P2RX3: variants seen among roughly 807,000 people sequenced by gnomAD.
P2RX3 encodes the protein P2X purinoceptor 3.
Under a neutral mutation model 51.5 loss-of-function variants are expected in P2RX3, and 41 were observed. The ratio of observed to expected loss-of-function variants is 0.80; its 90% CI spans 0.62 to 1.03. The LOEUF (loss-of-function observed/expected upper bound fraction) is 1.03, where lower values mean the gene tolerates loss of function less well. Among genes scored for constraint, P2RX3 ranks in the 50% least tolerant of loss-of-function variants. P2RX3 has a pLI of 0.00. For synonymous variants in P2RX3, 185 were observed against 191.6 expected, an observed-to-expected ratio of 0.97 and a Z score of 0.29; for missense variants, 459 against 522.1, an observed-to-expected ratio of 0.88 and a Z score of 1.18.
rs754914264 is a variant in P2RX3, at chr11:57,369,900, T to C, written c.1097T>C (p.Leu366Pro). The change falls in exon 12 of 12, where the codon CTG becomes CCG. Residue 366 changes from leucine (L) to proline (P), a missense_variant. Coordinates refer to ENST00000263314, the MANE Select transcript of P2RX3 (RefSeq NM_002559.5). ...CGCCTGCAGGTGAATGAGACTACGC[T>C]GAAAATCGCGGCTTTGACCAACCCA... ...KKFEEVNETT[L>P]KIAALTNPVY... 10 of 1,613,336 alleles carry C rather than the reference T, an allele frequency of 6.2e-6. No homozygotes were observed. The Admixed American group carries it at 6.7e-5, about 11-fold the overall frequency.
At chr11:57,345,643 C>T (rs1856416791) in intron 1 of P2RX3, among the ~76,000 whole-genome samples, 1 of 152,126 alleles carries the variant, frequency 6.6e-6, no homozygotes. Context: ...AATGGAAAGG[C>T]AGGCACTTTA....
chr11:57,353,286 CA>C (rs1412707215), intron 8 of P2RX3, among the ~76,000 whole-genome samples: 1 of 152,182 alleles, frequency 6.6e-6, no homozygotes, highest in African/African-American at 2.4e-5. Flanking sequence ...ACCCTGTGTG[CA>C]AAACGTTTTG....
chr11:57,346,668 A>C lies in P2RX3; in HGVS notation c.244A>C (p.Thr82Pro). The change falls in exon 2 of 12, where the codon ACG (threonine) becomes CCG (proline). Residue 82 changes from threonine to proline, a missense_variant. Thr to Pro is a conservative substitution (Grantham distance 38). Transcript: ENST00000263314. ...AGTCATGGATGTGTCTGATTACGTG[A>C]CGCCACCTCAGGTATGGTACCCCTA... The part of the protein sequence containing the change: ...NRVMDVSDYV[T>P]PPQGTSVFVI... 6.2e-7 allele frequency: 1 copy of C among 1,613,882 alleles called. No homozygotes were observed. The highest frequency in any genetic ancestry group is 8.5e-7 in the Non-Finnish European group (1 of 1,180,022).
chr11:57,348,224 TC>T lies in P2RX3; in HGVS notation c.448del (p.Gln150ArgfsTer16). 6.2e-7 allele frequency: 1 copy of T among 1,604,142 alleles called. No individual in the cohort carries two copies. Among genetic ancestry groups the T allele is most frequent in the South Asian group, 1.1e-5 (1 of 88,550 alleles). On this transcript the variant is annotated frameshift_variant, in exon 5 of 12. Coordinates refer to ENST00000263314, the MANE Select transcript of P2RX3 (RefSeq NM_002559.5). LOFTEE classifies it high-confidence loss of function. ...NYSSVLRTCE[I>X]QGWCPTEVDT... ...AGCTCTGTGCTCCGGACCTGTGAGA[TC>T]CAGGGCTGGTGCCCCACGGAGGTGG...
upstream of P2RX3, among the ~76,000 whole-genome samples, chr11:57,337,980 T>A (rs1013344639): frequency 2.0e-5 from 3 of 152,228 alleles, no homozygotes; most frequent in Non-Finnish European, 4.4e-5. Flanking sequence ...AAGAGACCTT[T>A]TCCCCCTGAC....
chr11:57,366,882 G>T (rs1218929293), intron 8 of P2RX3, among the ~76,000 whole-genome samples: 1 of 152,002 alleles, frequency 6.6e-6, no homozygotes, highest in African/African-American at 2.4e-5. Flanking sequence ...ATTAATCCAT[G>T]AATGGATTAA....
intron 1 of P2RX3, among the ~76,000 whole-genome samples, chr11:57,342,910 G>A (rs1056298698): frequency 4.6e-5 from 7 of 152,180 alleles, no homozygotes; most frequent in East Asian, 3.9e-4. Flanking sequence ...GTGCTGGGGC[G>A]CGGCTCTGGC....
chr11:57,351,321 T>C (rs1856544840), intron 8 of P2RX3, among the ~76,000 whole-genome samples: 1 of 152,204 alleles, frequency 6.6e-6, no homozygotes, highest in African/African-American at 2.4e-5. Flanking sequence ...ACTGGTATCA[T>C]TTTACATTTT....
intron 8 of P2RX3, among the ~76,000 whole-genome samples, chr11:57,351,206 A>G (rs1856542550): frequency 6.6e-6 from 1 of 152,220 alleles, no homozygotes; most frequent in African/African-American, 2.4e-5. Flanking sequence ...TGTTCCTAAC[A>G]CTGGCCTGAA....
At position 57,338,678 on chromosome 11, in the gene P2RX3, G is replaced by C. The variant is rs1466008870; in HGVS notation, c.119+9G>C. 6.4e-7 allele frequency: 1 copy of C among 1,562,684 alleles called. No homozygotes were observed. Among genetic ancestry groups the C allele is most frequent in the Admixed American group, 1.7e-5 (1 of 59,502 alleles). ...ATCTCCTACTTTGTAGGGTGAGTCT[G>C]TGGCCTTTCAGGTTCCTGGCGGGGT... On this transcript the variant is annotated intron_variant, in intron 1 of 11. Transcript: ENST00000263314.
At chr11:57,347,924 G>A (rs139417180) in intron 4 of P2RX3, among the ~76,000 whole-genome samples, 1 of 152,294 alleles carries the variant, frequency 6.6e-6, no homozygotes, top group Non-Finnish European at 1.5e-5. Flanking sequence ...AAGGAAGGAA[G>A]CACAAGAAGA....
upstream of P2RX3, among the ~76,000 whole-genome samples, chr11:57,337,931 CTT>C (rs894706305): frequency 1.4e-4 from 21 of 152,248 alleles, no homozygotes; most frequent in African/African-American, 5.1e-4. Flanking sequence ...ATATGTGACT[CTT>C]TACTCATCAC....
At chr11:57,350,733 G>A (rs375260688) in intron 7 of P2RX3, 29 bp from the exon 8 acceptor site, 1 of 1,613,058 alleles carries the variant, frequency 6.2e-7, no homozygotes. Context: ...AGGGCGAGGG[G>A]AAAGCTCATA....
chr11:57,356,449 C>A (rs1056801086), intron 8 of P2RX3, among the ~76,000 whole-genome samples: 1 of 152,200 alleles, frequency 6.6e-6, no homozygotes, highest in Non-Finnish European at 1.5e-5. Flanking sequence ...TTTTGGATTT[C>A]CTCTTTTGGT....
chr11:57,351,211 C>CCT, intron 8 of P2RX3, among the ~76,000 whole-genome samples: 1 of 152,318 alleles, frequency 6.6e-6, no homozygotes, highest in East Asian at 1.9e-4. Flanking sequence ...CTAACACTGG[C>CCT]CTGAAACTGT....
At chr11:57,338,785 C>A (rs1856284759) in intron 1 of P2RX3, 116 bp downstream of exon 1, 2 of 690,076 alleles carry the variant, frequency 2.9e-6, no homozygotes, top group Non-Finnish European at 5.0e-6. Context: ...CTGGGGGAAA[C>A]AGTTTCTTCT....
At chr11:57,357,795 A>G (rs1229060514) in intron 8 of P2RX3, among the ~76,000 whole-genome samples, 1 of 152,198 alleles carries the variant, frequency 6.6e-6, no homozygotes, top group Non-Finnish European at 1.5e-5. Flanking sequence ...ACCCTGAAGC[A>G]AAGAGTCTGC....
At chr11:57,339,908 T>C (rs537686053) in intron 1 of P2RX3, among the ~76,000 whole-genome samples, 51 of 152,208 alleles carry the variant, frequency 3.4e-4, no homozygotes, top group Non-Finnish European at 6.6e-4. Context: ...GGGCAAGCCC[T>C]GGTAGGCTTC....
At position 57,348,707 on chromosome 11, in the gene P2RX3, G is replaced by A. The variant is rs1856488848; in HGVS notation, c.563+3G>A. 1 of 1,610,756 alleles carries A rather than the reference G, an allele frequency of 6.2e-7. No homozygotes were observed. The highest frequency in any genetic ancestry group is 8.5e-7 in the Non-Finnish European group (1 of 1,177,988). ...TTCCCCCTCTTCAACTTTGAGAAGT[G>A]AGTCCCCACTCCTTCCCTAAAGCCA... On this transcript the variant is annotated splice_donor_region_variant and intron_variant, in intron 6 of 11. Coordinates refer to ENST00000263314, the MANE Select transcript of P2RX3 (RefSeq NM_002559.5).
Sources: gnomAD v4.1 joint callset for allele counts (sites outside exome capture counted in the v4.1 genomes callset) on GRCh38, gnomAD v4.1.1 for gene constraint, MANE v1.5 for transcripts, NCBI Gene and HGNC (gene_info 2026-07-23, HGNC 2026-07-21) for gene names.